The following STK32A variants were observed in gnomAD, a reference collection of about 807,000 sequenced individuals.
STK32A encodes the protein serine/threonine kinase 32A, also known as serine/threonine-protein kinase 32A.
Under a neutral mutation model 53.2 loss-of-function variants are expected in STK32A, and 41 were observed. That is an observed-to-expected ratio of 0.77 (90% CI 0.60 to 1.00). The LOEUF (loss-of-function observed/expected upper bound fraction) is 1.00, where lower values mean the gene tolerates loss of function less well. STK32A is among the 50% of genes least tolerant of loss of function. The probability of loss-of-function intolerance (pLI) is 0.00; values close to 1 mark genes in which losing one functional copy is unlikely to be tolerated. For missense variants in STK32A, 458 were observed against 485.8 expected, an observed-to-expected ratio of 0.94 and a Z score of 0.54; for synonymous variants, 166 against 162.8, an observed-to-expected ratio of 1.02 and a Z score of -0.15.
intron 5 of STK32A, among the ~76,000 whole-genome samples, chr5:147,334,850 T>C (rs1373647637): frequency 6.6e-6 from 1 of 152,128 alleles, no homozygotes; most frequent in Non-Finnish European, 1.5e-5. Context: ...ATAATTACTG[T>C]GCACCAGATA....
At chr5:147,389,306 A>G (rs1757743776), downstream of STK32A, among the ~76,000 whole-genome samples, 1 of 152,092 alleles carries the variant, frequency 6.6e-6, no homozygotes, top group Admixed American at 6.5e-5. Flanking sequence ...CCTTCCTTGC[A>G]TCCATCCCTC....
chr5:147,246,494 A>T (rs2151940363), intron 2 of STK32A, among the ~76,000 whole-genome samples: 1 of 152,348 alleles, frequency 6.6e-6, no homozygotes, highest in Non-Finnish European at 1.5e-5. Flanking sequence ...TACAATATTG[A>T]AATCTCAGTC....
chr5:147,383,468 T>A lies in STK32A; in HGVS notation c.1060T>A (p.Ser354Thr). Residue 354 changes from serine to threonine, a missense_variant, in exon 12 of 13, where the codon TCT becomes ACT. By Grantham distance (58) the Ser-to-Thr change is moderately conservative. Transcript: ENST00000397936. The part of the protein sequence containing the change: ...QTCLLQEHLD[S>T]VQKEFIIFNR... The stretch of plus-strand genomic sequence containing the variant: ...ATGTCTTCTTCAAGAGCACCTTGAC[T>A]CTGTCCAGAAGGAGTTCATAATTTT... 6.3e-7 allele frequency: 1 copy of A among 1,598,498 alleles called. No homozygotes were observed. The highest frequency in any genetic ancestry group is 8.5e-7 in the Non-Finnish European group (1 of 1,172,074).
intron 4 of STK32A, among the ~76,000 whole-genome samples, chr5:147,315,555 G>A (rs1335671707): frequency 2.0e-5 from 3 of 152,036 alleles, no homozygotes; most frequent in Non-Finnish European, 4.4e-5. Flanking sequence ...TAAAATAGAG[G>A]TTACCAGGAG....
chr5:147,248,891 C>A (rs990839417), intron 2 of STK32A, among the ~76,000 whole-genome samples: 11 of 152,030 alleles, frequency 7.2e-5, no homozygotes, highest in Admixed American at 5.3e-4. Flanking sequence ...TAGTGGCAAC[C>A]ATTTGCTGCC....
In STK32A at chr5:147,365,658, C is replaced by G. The variant is rs916189564; in HGVS notation, c.660+4044C>G. Among the ~76,000 whole-genome samples, 9 of 152,254 alleles carry G rather than the reference C, an allele frequency of 5.9e-5. 1 individual carries two copies. In the South Asian group the frequency reaches 1.9e-3, roughly 32 times the overall value. On this transcript the variant is annotated intron_variant, in intron 8 of 12. Transcript: ENST00000397936. ...TTTTCTCCCCAGCCAATTTACTCACCTTCTGTGGCTGTGCTTCTGTGTTAG... is the reference window on the plus strand; with the variant it reads ...TTTTCTCCCCAGCCAATTTACTCACGTTCTGTGGCTGTGCTTCTGTGTTAG...
chr5:147,350,355 C>T (rs1029628076), intron 6 of STK32A, among the ~76,000 whole-genome samples: 7 of 151,002 alleles, frequency 4.6e-5, no homozygotes, highest in African/African-American at 1.7e-4. Context: ...TAATATTTGC[C>T]TCTTACTTTT....
At position 147,370,751 on chromosome 5, in the gene STK32A, T is replaced by C; in HGVS notation, c.758T>C (p.Met253Thr). 1.2e-6 allele frequency: 2 copies of C among 1,610,922 alleles called. No homozygotes were observed. The highest frequency in any genetic ancestry group is 8.5e-7 in the Non-Finnish European group (1 of 1,177,416). The change falls in exon 9 of 13, where the codon ATG becomes ACG. Residue 253 changes from methionine (M) to threonine (T), a missense_variant. Transcript: ENST00000397936. ...TACCCTTCTGCCTGGTCACAGGAAA[T>C]GGTGTCACTTCTTAAAAAGGTAAGA... is the stretch of plus-strand genomic sequence containing the variant. Reference protein sequence around the residue: ...VTYPSAWSQEMVSLLKKLLEP... With the variant: ...VTYPSAWSQETVSLLKKLLEP...
intron 4 of STK32A, among the ~76,000 whole-genome samples, chr5:147,287,186 T>C (rs1752385548): frequency 6.6e-6 from 1 of 152,196 alleles, no homozygotes; most frequent in Admixed American, 6.5e-5. Context: ...ATCCAAGGCA[T>C]AGAAAATGGC....
At chr5:147,341,952 A>G (rs1348519739) in intron 5 of STK32A, among the ~76,000 whole-genome samples, 1 of 152,138 alleles carries the variant, frequency 6.6e-6, no homozygotes, top group Non-Finnish European at 1.5e-5. Flanking sequence ...TAATACTTGG[A>G]GGATAGAATG....
intron 4 of STK32A, among the ~76,000 whole-genome samples, chr5:147,310,583 G>A (rs559947378): frequency 9.2e-5 from 14 of 152,160 alleles, no homozygotes; most frequent in Non-Finnish European, 2.1e-4. Context: ...AATCCCATCA[G>A]TGACCCAAGC....
At chr5:147,343,108 G>A in intron 6 of STK32A, 65 bp downstream of exon 6, 1 of 1,532,104 alleles carries the variant, frequency 6.5e-7, no homozygotes, top group Non-Finnish European at 9.0e-7. Flanking sequence ...ATTGTTCCCA[G>A]CAGAGGGGTA....
intron 5 of STK32A, among the ~76,000 whole-genome samples, chr5:147,337,614 T>G (rs903729206): frequency 6.6e-6 from 1 of 152,182 alleles, no homozygotes; most frequent in Non-Finnish European, 1.5e-5. Context: ...GAGCACCTAC[T>G]TTATTCTTGG....
At chr5:147,255,896 C>A (rs574493841) in intron 2 of STK32A, among the ~76,000 whole-genome samples, 10 of 152,290 alleles carry the variant, frequency 6.6e-5, no homozygotes, top group African/African-American at 2.2e-4. Flanking sequence ...ATCTGGTATT[C>A]CTCATGGGAC....
chr5:147,260,151 TCTCTC>T (rs1754455238), intron 2 of STK32A, among the ~76,000 whole-genome samples: 1 of 92,988 alleles, frequency 1.1e-5, no homozygotes, highest in Non-Finnish European at 2.3e-5. Context: ...CTCTCCTGTC[TCTCTC>T]CTCTCTGTCT....
intron 8 of STK32A, 69 bp downstream of exon 8, chr5:147,361,683 T>C: frequency 1.1e-6 from 1 of 935,868 alleles, no homozygotes; most frequent in Non-Finnish European, 1.7e-6. Flanking sequence ...AAGAATGTAT[T>C]GTTTGCTAAG....
At chr5:147,349,832 C>A (rs1453043397) in intron 6 of STK32A, among the ~76,000 whole-genome samples, 1 of 152,098 alleles carries the variant, frequency 6.6e-6, no homozygotes, top group Non-Finnish European at 1.5e-5. Flanking sequence ...AGTTGACTGG[C>A]CGGGCGCAGT....
chr5:147,293,486 A>T (rs1338185506), intron 4 of STK32A, among the ~76,000 whole-genome samples: 1 of 89,650 alleles, frequency 1.1e-5, no homozygotes, highest in African/African-American at 3.0e-5. Context: ...AGGTAAAAAA[A>T]AAAAAAAAAA....
chr5:147,278,242 C>A, intron 3 of STK32A, 63 bp downstream of exon 3: 2 of 1,334,000 alleles, frequency 1.5e-6, no homozygotes, highest in East Asian at 2.4e-5. Flanking sequence ...ACAGAGGGTC[C>A]AGAAATGTTC....
Sources: allele counts gnomAD v4.1 joint callset (sites outside exome capture counted in the v4.1 genomes callset), GRCh38; gene constraint gnomAD v4.1.1; transcripts MANE v1.5; gene names NCBI Gene and HGNC (gene_info 2026-07-23, HGNC 2026-07-21).